PDZD8: variants seen among roughly 807,000 people sequenced by gnomAD.
PDZD8 encodes the protein PDZ domain containing 8.
Under a neutral mutation model 85.8 loss-of-function variants are expected in PDZD8, and 14 were observed. The observed-to-expected ratio is 0.16, with a 90% CI of 0.11 to 0.26. The LOEUF is 0.26. Ranked by LOEUF, PDZD8 falls within the 10% of genes least tolerant of loss-of-function variation. PDZD8 has a pLI of 1.00. For synonymous variants in PDZD8, 592 were observed against 568.6 expected (o/e 1.04, Z -0.59); for missense variants, 1,197 against 1,424.3 (o/e 0.84, Z 2.57).
intron 4 of PDZD8, chr10:117,285,813 CAG>C (rs1008164368): frequency 1.1e-6 from 1 of 888,722 alleles, no homozygotes; most frequent in Non-Finnish European, 1.4e-6. Flanking sequence ...AAGAAGTGAA[CAG>C]AGAGAGATCT....
chr10:117,319,429 ACACACTCT>A (rs1564698410), intron 2 of PDZD8, among the ~76,000 whole-genome samples: 1 of 78,610 alleles, frequency 1.3e-5, no homozygotes, highest in South Asian at 3.8e-4. Context: ...ACACACACAC[ACACACTCT>A]TCATCTACTA....
At chr10:117,329,383 A>G (rs1177594756) in intron 2 of PDZD8, among the ~76,000 whole-genome samples, 2 of 152,248 alleles carry the variant, frequency 1.3e-5, no homozygotes, top group East Asian at 1.9e-4. Context: ...AGGTATGTTG[A>G]AACCTTCCAG....
rs948034335 is a variant in PDZD8, at chr10:117,283,074, G to A, written c.*194C>T. ...AACCCAAAAAAGCATAGCTATAAAT[G>A]CAATCCAAAACAACCAATTAGTAAG... On this transcript the variant is annotated 3_prime_UTR_variant, in exon 5 of 5. Coordinates refer to ENST00000334464, the MANE Select transcript of PDZD8 (RefSeq NM_173791.5). 7.5e-6 allele frequency: 4 copies of A among 529,962 alleles called. No individual in the cohort carries two copies. Among genetic ancestry groups the A allele is most frequent in the Admixed American group, 3.7e-5 (1 of 27,002 alleles). 32.8% of individuals were successfully genotyped at this position (529,962 alleles called of 1,614,324 possible). A position where few individuals can be genotyped will look rare whatever the true frequency, so the allele number is the denominator to read the frequency against.
intron 2 of PDZD8, among the ~76,000 whole-genome samples, chr10:117,335,117 A>C (rs1844494593): frequency 6.6e-6 from 1 of 152,236 alleles, no homozygotes; most frequent in Admixed American, 6.5e-5. Context: ...AACATAAAGT[A>C]AAAGGTTGGA....
intron 2 of PDZD8, among the ~76,000 whole-genome samples, chr10:117,334,585 T>TTA (rs951215605): frequency 2.4e-4 from 37 of 151,126 alleles, no homozygotes; most frequent in South Asian, 6.3e-4. Context: ...AATGCAGCCA[T>TTA]TATATATATA....
intron 2 of PDZD8, 95 bp downstream of exon 2, chr10:117,340,885 T>C (rs1279369566): frequency 1.5e-6 from 2 of 1,347,836 alleles, no homozygotes; most frequent in Admixed American, 4.6e-5. Context: ...GTAAATAATA[T>C]AATTTAAATG....
chr10:117,370,631 C>T (rs1845172295), intron 1 of PDZD8, among the ~76,000 whole-genome samples: 1 of 152,084 alleles, frequency 6.6e-6, no homozygotes, highest in African/African-American at 2.4e-5. Context: ...TGCCTGAAGT[C>T]AGGAGTTCGA....
rs145261057 is a variant in PDZD8, at chr10:117,304,067, T to C, written c.1099-13719A>G. On this transcript the variant is annotated intron_variant, in intron 3 of 4. Transcript: ENST00000334464. ...CAGAATGGAAGATCCACCAACAGCT[T>C]GTACCATAAGCCTGGAAAAGCCTCA... Among the ~76,000 whole-genome samples, 446 of 152,244 alleles carry C rather than the reference T, an allele frequency of 2.9e-3. 3 individuals carry two copies. The highest frequency in any genetic ancestry group is 0.01 in the African/African-American group (419 of 41,550).
At chr10:117,314,939 G>A (rs1362676276) in intron 3 of PDZD8, among the ~76,000 whole-genome samples, 1 of 152,226 alleles carries the variant, frequency 6.6e-6, no homozygotes, top group Non-Finnish European at 1.5e-5. Flanking sequence ...AAGGAAGATG[G>A]AGAGTAGGGT....
chr10:117,296,342 T>A (rs1360108802), intron 3 of PDZD8, among the ~76,000 whole-genome samples: 1 of 152,062 alleles, frequency 6.6e-6, no homozygotes, highest in African/African-American at 2.4e-5. Flanking sequence ...TTGTGAGAAT[T>A]TTAAGGGAAA....
intron 3 of PDZD8, among the ~76,000 whole-genome samples, chr10:117,310,887 G>A (rs1382222330): frequency 6.6e-6 from 1 of 152,116 alleles, no homozygotes; most frequent in Non-Finnish European, 1.5e-5. Flanking sequence ...CAACTCTGAG[G>A]CATCTGGCCT....
chr10:117,291,530 G>GAA (rs71013655), intron 3 of PDZD8, among the ~76,000 whole-genome samples: 6,007 of 143,634 alleles, frequency 0.042, 178 homozygotes, highest in South Asian at 0.08. Context: ...CTCCACCTCA[G>GAA]AAAAAAAAAA....
At position 117,373,604 on chromosome 10, in the gene PDZD8, CAAAAAA is replaced by C. The variant is rs796930758; in HGVS notation, c.872+746_872+751del. ...GAAACTCCGTCTCTACTAAAAAATA[CAAAAAA>C]AAAAAAAAAAAAAAAAAAAATCAGC... On this transcript the variant is annotated intron_variant, in intron 1 of 4. Coordinates refer to ENST00000334464, the MANE Select transcript of PDZD8 (RefSeq NM_173791.5). Among the ~76,000 whole-genome samples the C allele has an allele frequency of 4.4e-3, 229 of 52,430 alleles. 1 individual carries two copies. The highest frequency in any genetic ancestry group is 0.03 in the East Asian group (30 of 988). The allele number at this position is 52,430 out of a possible 152,430, so 34.4% of individuals were successfully genotyped here.
intron 1 of PDZD8, among the ~76,000 whole-genome samples, chr10:117,341,703 T>C (rs1442354508): frequency 6.6e-6 from 1 of 152,182 alleles, no homozygotes; most frequent in African/African-American, 2.4e-5. Flanking sequence ...AGGAAAAAAG[T>C]CTGTACATGT....
At chr10:117,333,126 A>ACAAAAAAC (rs1554854835) in intron 2 of PDZD8, among the ~76,000 whole-genome samples, 2 of 140,694 alleles carry the variant, frequency 1.4e-5, no homozygotes, top group Non-Finnish European at 3.1e-5. Context: ...TCAAAAAAAA[A>ACAAAAAAC]AAAAAAAAAA....
At chr10:117,371,909 C>G (rs1488660492) in intron 1 of PDZD8, among the ~76,000 whole-genome samples, 1 of 152,168 alleles carries the variant, frequency 6.6e-6, no homozygotes, top group African/African-American at 2.4e-5. Context: ...TGACACTGTA[C>G]TCCAGCTCTG....
At chr10:117,361,778 C>T (rs746384399) in intron 1 of PDZD8, among the ~76,000 whole-genome samples, 3 of 152,116 alleles carry the variant, frequency 2.0e-5, no homozygotes, top group Non-Finnish European at 4.4e-5. Context: ...ACTGTTGCGA[C>T]TGTACAGAAC....
chr10:117,295,953 T>G (rs1225571159), intron 3 of PDZD8, among the ~76,000 whole-genome samples: 1 of 151,986 alleles, frequency 6.6e-6, no homozygotes, highest in Non-Finnish European at 1.5e-5. Context: ...CTCTTAACAC[T>G]TCAACACTGT....
At chr10:117,362,348 A>G (rs1233650626) in intron 1 of PDZD8, among the ~76,000 whole-genome samples, 1 of 152,164 alleles carries the variant, frequency 6.6e-6, no homozygotes, top group East Asian at 1.9e-4. Context: ...TTTCTCTAAG[A>G]ACTTTTAAAA....
Sources: gnomAD v4.1 joint callset for allele counts (sites outside exome capture counted in the v4.1 genomes callset) on GRCh38, gnomAD v4.1.1 for gene constraint, MANE v1.5 for transcripts, NCBI Gene and HGNC (gene_info 2026-07-23, HGNC 2026-07-21) for gene names.